The following COA1 variants were observed in gnomAD, a reference collection of about 807,000 sequenced individuals.
COA1 encodes cytochrome c oxidase assembly factor 1 homolog.
In COA1, 13 loss-of-function variants were observed where a neutral mutation model predicts 16.0. The observed-to-expected ratio is 0.81, with a 90% CI of 0.53 to 1.29. The LOEUF is 1.29. COA1 is among the 50% of genes most tolerant of loss of function. The pLI is 0.00. For synonymous variants in COA1, 65 were observed against 65.7 expected, an observed-to-expected ratio of 0.99 and a Z score of 0.05; for missense variants, 179 against 177.0, an observed-to-expected ratio of 1.01 and a Z score of -0.06.
chr7:43,620,362 T>C (rs1440144927), intron 6 of COA1, among the ~76,000 whole-genome samples: 1 of 152,098 alleles, frequency 6.6e-6, no homozygotes, highest in Non-Finnish European at 1.5e-5. Context: ...AACTGAGAGG[T>C]TGTGACCAGA....
At chr7:43,697,184 A>T (rs1384396948) in intron 1 of COA1, among the ~76,000 whole-genome samples, 1 of 152,088 alleles carries the variant, frequency 6.6e-6, no homozygotes, top group Non-Finnish European at 1.5e-5. Flanking sequence ...AAATATAAGA[A>T]TCTGATATCA....
intron 6 of COA1, among the ~76,000 whole-genome samples, chr7:43,617,615 T>G (rs988524298): frequency 6.6e-6 from 1 of 152,198 alleles, no homozygotes; most frequent in Admixed American, 6.5e-5. Flanking sequence ...AATAGGAGTC[T>G]GTTTTTGGTC....
chr7:43,723,603 C>G (rs1350941792), intron 1 of COA1, among the ~76,000 whole-genome samples: 4 of 151,698 alleles, frequency 2.6e-5, no homozygotes, highest in Non-Finnish European at 5.9e-5. Context: ...GGTAATTTCC[C>G]CAAAAAGACT....
At chr7:43,650,809 C>T (rs2090596965) in intron 1 of COA1, 1 of 146,016 alleles carries the variant, frequency 6.8e-6, no homozygotes. Context: ...TCATACTCCC[C>T]CACCACCAAA....
At chr7:43,727,616 T>C (rs565344314) in intron 1 of COA1, among the ~76,000 whole-genome samples, 5 of 152,346 alleles carry the variant, frequency 3.3e-5, no homozygotes, top group Admixed American at 3.3e-4. Flanking sequence ...AAAGACCACA[T>C]GCTGTATGAT....
chr7:43,639,873 G>A (rs1467655587), intron 5 of COA1, among the ~76,000 whole-genome samples, 192 bp from the exon 6 acceptor site: 1 of 152,084 alleles, frequency 6.6e-6, no homozygotes, highest in Non-Finnish European at 1.5e-5. Flanking sequence ...AACCAGCTTC[G>A]ACTTCAAGGC....
rs190897629 is a variant in COA1 at position 43,689,117 on chromosome 7, A to C, written c.-39+40312T>G. Reference sequence around the variant, plus strand: ...AAGAAGTTATATTCACACAACCATCACCTTTGCCTGGATAATAGCATCCTA... The same window carrying C: ...AAGAAGTTATATTCACACAACCATCCCCTTTGCCTGGATAATAGCATCCTA... On this transcript the variant is annotated intron_variant, in intron 1 of 5. Coordinates refer to ENST00000223336, the MANE Select transcript of COA1 (RefSeq NM_018224.4). 2.5e-4 allele frequency among the ~76,000 whole-genome samples: 38 copies of C among 152,264 alleles called. No homozygotes were observed. The East Asian group carries it at 7.1e-3, about 29-fold the overall frequency.
At chr7:43,712,063 T>C (rs1372089383) in intron 1 of COA1, among the ~76,000 whole-genome samples, 1 of 152,058 alleles carries the variant, frequency 6.6e-6, no homozygotes, top group African/African-American at 2.4e-5. Context: ...ATTTAATCAT[T>C]CCCTTGCTTT....
intron 1 of COA1, among the ~76,000 whole-genome samples, chr7:43,725,452 G>A (rs1459684621): frequency 6.6e-6 from 1 of 152,164 alleles, no homozygotes; most frequent in Non-Finnish European, 1.5e-5. Flanking sequence ...ATCAAGCCAA[G>A]GGGAAAGAAT....
At chr7:43,715,035 AAACATTT>A (rs1695605031) in intron 1 of COA1, among the ~76,000 whole-genome samples, 1 of 147,618 alleles carries the variant, frequency 6.8e-6, no homozygotes, top group Non-Finnish European at 1.5e-5. Flanking sequence ...AAAAAAAAGG[AAACATTT>A]AATACAAAAA....
At position 43,691,421 on chromosome 7, in the gene COA1, A is replaced by AAAAGAAAGAAATAAAGAAAG. The variant is rs1554542663; in HGVS notation, c.-39+38007_-39+38008insCTTTCTTTATTTCTTTCTTT. Among the ~76,000 whole-genome samples, 5 of 87,516 alleles carry AAAAGAAAGAAATAAAGAAAG rather than the reference A, an allele frequency of 5.7e-5. 1 individual carries two copies. Among genetic ancestry groups the AAAAGAAAGAAATAAAGAAAG allele is most frequent in the Non-Finnish European group, 1.1e-4 (5 of 45,054 alleles). The allele number at this position is 87,516 out of a possible 152,430, so 57.4% of individuals were successfully genotyped here. On this transcript the variant is annotated intron_variant, in intron 1 of 5. Coordinates refer to ENST00000223336, the MANE Select transcript of COA1 (RefSeq NM_018224.4). The stretch of plus-strand genomic sequence containing the variant: ...GAAGGAAGGAAGGAAGGAAGAAAGA[A>AAAAGAAAGAAATAAAGAAAG]AAAGAAAGAAAGAAAGAAAGAAAGA...
chr7:43,698,094 A>G (rs971856884), intron 1 of COA1, among the ~76,000 whole-genome samples: 1 of 152,244 alleles, frequency 6.6e-6, no homozygotes. Context: ...ATCACTTATT[A>G]ATTAGATTAA....
intron 1 of COA1, among the ~76,000 whole-genome samples, chr7:43,700,418 T>A (rs530664756): frequency 6.6e-6 from 1 of 151,776 alleles, no homozygotes; most frequent in Non-Finnish European, 1.5e-5. Context: ...TCATAGAAAA[T>A]TCTTCTAGAC....
intron 6 of COA1, among the ~76,000 whole-genome samples, chr7:43,614,191 A>T (rs1389198160): frequency 6.6e-6 from 1 of 152,182 alleles, no homozygotes; most frequent in East Asian, 1.9e-4. Context: ...TGTTCAGTAA[A>T]CGTTAAATGG....
intron 1 of COA1, among the ~76,000 whole-genome samples, chr7:43,689,282 G>A (rs1267073198): frequency 2.0e-5 from 3 of 152,184 alleles, no homozygotes; most frequent in Admixed American, 2.0e-4. Context: ...CATATAGGCT[G>A]TATTAGCAAA....
At chr7:43,631,179 A>G (rs1481841119) in intron 6 of COA1, 1 of 151,976 alleles carries the variant, frequency 6.6e-6, no homozygotes, top group Non-Finnish European at 1.5e-5. Flanking sequence ...GAATGTTTTT[A>G]TTACCCCATC....
chr7:43,652,027 C>T (rs536774569), intron 1 of COA1, among the ~76,000 whole-genome samples: 1 of 152,256 alleles, frequency 6.6e-6, no homozygotes, highest in East Asian at 1.9e-4. Context: ...ATGTCCAGGC[C>T]ACACCCAGAC....
At chr7:43,643,514 C>T (rs1398374228) in intron 4 of COA1, among the ~76,000 whole-genome samples, 1 of 152,228 alleles carries the variant, frequency 6.6e-6, no homozygotes, top group African/African-American at 2.4e-5. Flanking sequence ...CCAGCCCTTC[C>T]CTGTGCTCCT....
intron 6 of COA1, among the ~76,000 whole-genome samples, chr7:43,620,497 A>G (rs549128134): frequency 6.6e-6 from 1 of 152,254 alleles, no homozygotes; most frequent in Non-Finnish European, 1.5e-5. Context: ...CAACATGGCA[A>G]AACCCGTCTC....
Sources: gnomAD v4.1 joint callset for allele counts (sites outside exome capture counted in the v4.1 genomes callset) on GRCh38, gnomAD v4.1.1 for gene constraint, MANE v1.5 for transcripts, NCBI Gene and HGNC (gene_info 2026-07-23, HGNC 2026-07-21) for gene names.